The following WWP1 variants were observed in gnomAD, a reference collection of about 807,000 sequenced individuals.
The protein encoded by WWP1 is WW domain containing E3 ubiquitin protein ligase 1.
WWP1 carries 49 observed loss-of-function variants against 130.6 expected under a neutral mutation model. The ratio of observed to expected loss-of-function variants is 0.38; its 90% CI spans 0.30 to 0.48. The LOEUF is 0.48. Among genes scored for constraint, WWP1 ranks in the 20% least tolerant of loss-of-function variants. The probability of loss-of-function intolerance (pLI) is 0.99; values close to 1 mark genes in which losing one functional copy is unlikely to be tolerated. For synonymous variants in WWP1, 332 were observed against 367.8 expected, an observed-to-expected ratio of 0.90 and a Z score of 1.11; for missense variants, 809 against 1,100.6, an observed-to-expected ratio of 0.74 and a Z score of 3.75.
chr8:86,380,574 A>G (rs1824926873), intron 3 of WWP1, 152 bp from the exon 4 acceptor site: 1 of 797,752 alleles, frequency 1.3e-6, no homozygotes, highest in African/African-American at 1.8e-5. Flanking sequence ...GCTCTCAAGC[A>G]TTATCAGTAG....
chr8:86,366,958 T>C (rs551989033), intron 1 of WWP1, among the ~76,000 whole-genome samples: 37 of 152,346 alleles, frequency 2.4e-4, no homozygotes, highest in South Asian at 4.1e-4. Context: ...AATATTTATT[T>C]TATGCTTTGG....
At chr8:86,447,193 A>T (rs1810929423) in intron 18 of WWP1, among the ~76,000 whole-genome samples, 1 of 152,178 alleles carries the variant, frequency 6.6e-6, no homozygotes, top group Non-Finnish European at 1.5e-5. Flanking sequence ...GCATTGAGTA[A>T]CCTGAGAGTT....
At chr8:86,452,710 A>G (rs1586497188) in intron 21 of WWP1, 31 bp downstream of exon 21, 1 of 1,607,694 alleles carries the variant, frequency 6.2e-7, no homozygotes, top group Non-Finnish European at 8.5e-7. Flanking sequence ...TATTGTAGGG[A>G]ATGTTAGTGG....
intron 9 of WWP1, among the ~76,000 whole-genome samples, chr8:86,424,846 A>AGGGGAGCGGGAG (rs1809519132): frequency 5.5e-4 from 1 of 1,826 alleles, no homozygotes; most frequent in African/African-American, 2.7e-3. Flanking sequence ...GGGGGAGGGG[A>AGGGGAGCGGGAG]GGGGAGGGGG....
In WWP1 at chr8:86,425,224, T is replaced by G. The variant is rs777369390; in HGVS notation, c.1063T>G (p.Trp355Gly). The change falls in exon 10 of 25, where the codon TGG becomes GGG. Residue 355 changes from tryptophan to glycine, a missense_variant and splice_region_variant. Physicochemically the swap from Trp to Gly is radical, Grantham distance 184 (BLOSUM62 -2). This residue lies in a region of WWP1 where 97 missense variants were observed against 80.4 expected (regional missense o/e 1.21). Coordinates refer to ENST00000517970, the MANE Select transcript of WWP1 (RefSeq NM_007013.4). Reference sequence around the variant, plus strand: ...GTTATTTTTGTATTTTTATTAAAGGTGGGAACAAAGAAAAGATCCTCATGG... The same window carrying G: ...GTTATTTTTGTATTTTTATTAAAGGGGGGAACAAAGAAAAGATCCTCATGG... ...NANTETLPSGWEQRKDPHGRT... is the reference protein window; with the variant it reads ...NANTETLPSGGEQRKDPHGRT... 1 of 1,607,164 alleles carries G rather than the reference T, an allele frequency of 6.2e-7. No homozygotes were observed.
At chr8:86,371,963 G>C (rs899022324) in intron 2 of WWP1, among the ~76,000 whole-genome samples, 2 of 148,044 alleles carry the variant, frequency 1.4e-5, no homozygotes, top group Admixed American at 6.7e-5. Flanking sequence ...CTCCCTCAGC[G>C]TCCTGAGTAG....
chr8:86,425,336 A>C lies in WWP1; in HGVS notation c.1157+18A>C. The stretch of plus-strand genomic sequence containing the variant: ...CCTCCAGGGTAATATAGCACTCTTT[A>C]TGCATTTGTAATTATATTTTATCAC... On this transcript the variant is annotated intron_variant, in intron 10 of 24. Transcript: ENST00000517970. 1 of 1,563,766 alleles carries C rather than the reference A, an allele frequency of 6.4e-7. No individual in the cohort carries two copies. The highest frequency in any genetic ancestry group is 8.7e-7 in the Non-Finnish European group (1 of 1,149,020).
rs1414042869 is a variant in WWP1, at chr8:86,427,709, G to A, written c.1224G>A (p.Thr408=). 1.4e-5 allele frequency: 22 copies of A among 1,613,826 alleles called. No individual in the cohort carries two copies. The highest frequency in any genetic ancestry group is 4.4e-5 in the South Asian group (4 of 91,054). ...TGGATCATAACACCAGAACAACAACGTGGCAGCGGCCTACCATGGAATCTG... is the reference window on the plus strand; with the variant it reads ...TGGATCATAACACCAGAACAACAACATGGCAGCGGCCTACCATGGAATCTG... ...YYVDHNTRTT[T]WQRPTMESVR... The change falls in exon 11 of 25, where the codon ACG becomes ACA. Residue 408 remains threonine, a synonymous_variant. Coordinates refer to ENST00000517970, the MANE Select transcript of WWP1 (RefSeq NM_007013.4).
chr8:86,400,225 A>G (rs1807894172), intron 7 of WWP1, among the ~76,000 whole-genome samples: 1 of 152,012 alleles, frequency 6.6e-6, no homozygotes, highest in South Asian at 2.1e-4. Context: ...CCAGCTACTC[A>G]GGAGTCTGAA....
intron 10 of WWP1, among the ~76,000 whole-genome samples, chr8:86,425,829 T>A (rs1809591151): frequency 6.6e-6 from 1 of 152,236 alleles, no homozygotes; most frequent in South Asian, 2.1e-4. Context: ...GCTATTAGGC[T>A]GTCATTCAAG....
At chr8:86,438,538 T>G in intron 16 of WWP1, 47 bp from the exon 17 acceptor site, 1 of 1,397,050 alleles carries the variant, frequency 7.2e-7, no homozygotes, top group Non-Finnish European at 9.8e-7. Context: ...GAAAGGAACT[T>G]GTACTGCATG....
chr8:86,427,872 C>CTTT, intron 11 of WWP1, 55 bp downstream of exon 11: 6 of 1,247,514 alleles, frequency 4.8e-6, no homozygotes, highest in East Asian at 2.8e-5. Context: ...GTGTTTCTTT[C>CTTT]TTTTTTTTTT....
intron 18 of WWP1, among the ~76,000 whole-genome samples, chr8:86,444,857 A>G (rs1249589811): frequency 6.6e-6 from 1 of 152,200 alleles, no homozygotes; most frequent in African/African-American, 2.4e-5. Flanking sequence ...AAACATTTGT[A>G]TTGCTGATAG....
chr8:86,468,454 T>C lies in WWP1; in HGVS notation c.*1561T>C. On this transcript the variant is annotated 3_prime_UTR_variant, in exon 25 of 25. Coordinates refer to ENST00000517970, the MANE Select transcript of WWP1 (RefSeq NM_007013.4). ...GAATTAAAAAAAAAATTCTAATGTATGTGACAGGTTATGTGATAGAGGGAA... is the reference window on the plus strand; with the variant it reads ...GAATTAAAAAAAAAATTCTAATGTACGTGACAGGTTATGTGATAGAGGGAA... 1 of 436,180 alleles carries C rather than the reference T, an allele frequency of 2.3e-6. No individual in the cohort carries two copies. Among genetic ancestry groups the C allele is most frequent in the Non-Finnish European group, 4.5e-6 (1 of 221,728 alleles). 27.0% of individuals were successfully genotyped at this position (436,180 alleles called of 1,614,324 possible). A position where few individuals can be genotyped will look rare whatever the true frequency, so the allele number is the denominator to read the frequency against.
In WWP1 at chr8:86,451,733, C is replaced by T. The variant is rs1009920388; in HGVS notation, c.2274-826C>T. 3.9e-5 allele frequency among the ~76,000 whole-genome samples: 6 copies of T among 152,234 alleles called. No homozygotes were observed. The East Asian group carries it at 9.7e-4, about 25-fold the overall frequency. The stretch of plus-strand genomic sequence containing the variant: ...GTGAACAGCTTGGCTTTCTCTTCAT[C>T]GTCTAGAATCTGTGGCTTCTCTGTA... On this transcript the variant is annotated intron_variant, in intron 20 of 24. Transcript: ENST00000517970.
chr8:86,349,333 C>A (rs529108496), intron 1 of WWP1, among the ~76,000 whole-genome samples: 3 of 152,284 alleles, frequency 2.0e-5, no homozygotes, highest in Admixed American at 2.0e-4. Context: ...ACCAGATCTT[C>A]TTAAGGTTTA....
At chr8:86,462,985 T>C (rs995221482) in intron 24 of WWP1, among the ~76,000 whole-genome samples, 2 of 152,206 alleles carry the variant, frequency 1.3e-5, no homozygotes, top group Non-Finnish European at 2.9e-5. Flanking sequence ...TTTTTTAACA[T>C]TTGTGTGACA....
chr8:86,398,328 ATTC>A lies in WWP1; in HGVS notation c.335-8_335-6del. 1.9e-6 allele frequency: 3 copies of A among 1,568,350 alleles called. No homozygotes were observed. The highest frequency in any genetic ancestry group is 1.2e-5 in the South Asian group (1 of 84,700). On this transcript the variant is annotated splice_polypyrimidine_tract_variant and intron_variant, in intron 5 of 24. Transcript: ENST00000517970. ...GTGGCAAAAGCTTTTAAATTAGAATATTCTTCTTTCTAGTGGAAAGAGTGAAAG... is the reference window on the plus strand; with the variant it reads ...GTGGCAAAAGCTTTTAAATTAGAATATTCTTTCTAGTGGAAAGAGTGAAAG...
chr8:86,376,786 C>G (rs1824681059), intron 3 of WWP1, among the ~76,000 whole-genome samples: 1 of 152,098 alleles, frequency 6.6e-6, no homozygotes, highest in African/African-American at 2.4e-5. Context: ...TACAGTGATC[C>G]TTTTGGGAAA....
Sources: gnomAD v4.1 joint callset for allele counts (sites outside exome capture counted in the v4.1 genomes callset) on GRCh38, gnomAD v4.1.1 for gene constraint, gnomAD v4.1.1 regional missense constraint, MANE v1.5 for transcripts, NCBI Gene and HGNC (gene_info 2026-07-23, HGNC 2026-07-21) for gene names.